The following RABGAP1L variants were observed in gnomAD, a reference collection of about 807,000 sequenced individuals.
RABGAP1L encodes rab GTPase-activating protein 1-like.
A neutral mutation model predicts 137.7 loss-of-function variants in RABGAP1L; 63 were observed. The observed-to-expected ratio is 0.46, with a 90% confidence interval of 0.37 to 0.56. The LOEUF (loss-of-function observed/expected upper bound fraction) is 0.56. RABGAP1L is among the 20% of genes least tolerant of loss of function. RABGAP1L has a pLI of 0.00. For missense variants in RABGAP1L, 1,095 were observed against 1,244.0 expected (o/e 0.88, Z 1.80); for synonymous variants, 431 against 433.7 (o/e 0.99, Z 0.08).
chr1:174,741,659 G>T (rs758779889), intron 17 of RABGAP1L, among the ~76,000 whole-genome samples: 3 of 151,902 alleles, frequency 2.0e-5, no homozygotes, highest in Non-Finnish European at 4.4e-5. Flanking sequence ...ACTGTACCCG[G>T]CCCCCAGTAT....
chr1:174,440,748 G>A (rs576436465), intron 13 of RABGAP1L, among the ~76,000 whole-genome samples: 62 of 152,058 alleles, frequency 4.1e-4, no homozygotes, highest in African/African-American at 1.2e-3. Flanking sequence ...GTAGAGGCAG[G>A]GCTTCACCAT....
chr1:174,411,379 G>T (rs1649911231), intron 13 of RABGAP1L, among the ~76,000 whole-genome samples: 1 of 151,938 alleles, frequency 6.6e-6, no homozygotes, highest in Non-Finnish European at 1.5e-5. Context: ...TGTCATGAAT[G>T]GTTCCTGTTA....
intron 13 of RABGAP1L, among the ~76,000 whole-genome samples, chr1:174,569,218 G>C (rs1167292459): frequency 6.6e-6 from 1 of 152,152 alleles, no homozygotes; most frequent in African/African-American, 2.4e-5. Flanking sequence ...CCTTTGTAGT[G>C]AAGTATGACT....
intron 10 of RABGAP1L, among the ~76,000 whole-genome samples, chr1:174,303,228 G>A (rs1177457425): frequency 6.6e-6 from 1 of 151,710 alleles, no homozygotes; most frequent in Non-Finnish European, 1.5e-5. Context: ...AACAGGTCTT[G>A]TAGGCAATGG....
chr1:174,616,136 A>C (rs1383465024), intron 13 of RABGAP1L, among the ~76,000 whole-genome samples: 1 of 152,190 alleles, frequency 6.6e-6, no homozygotes, highest in Non-Finnish European at 1.5e-5. Context: ...CTGGTACCTC[A>C]GATGGAAATG....
intron 18 of RABGAP1L, among the ~76,000 whole-genome samples, chr1:174,759,920 A>G (rs889957683): frequency 1.3e-5 from 2 of 152,196 alleles, no homozygotes; most frequent in African/African-American, 4.8e-5. Flanking sequence ...TACCTTCAAC[A>G]TTGGGGATTA....
chr1:174,272,629 T>G (rs540876793), intron 8 of RABGAP1L, 149 bp downstream of exon 8: 4 of 1,063,310 alleles, frequency 3.8e-6, no homozygotes, highest in Non-Finnish European at 4.9e-6. Context: ...AACGCAAACT[T>G]AAAATTACTT....
intron 11 of RABGAP1L, among the ~76,000 whole-genome samples, chr1:174,355,879 C>T (rs909146556): frequency 6.6e-6 from 1 of 152,152 alleles, no homozygotes; most frequent in Non-Finnish European, 1.5e-5. Context: ...AATCTTCTCT[C>T]TGTAATAAAT....
At chr1:174,650,244 T>A (rs1675354243) in intron 14 of RABGAP1L, among the ~76,000 whole-genome samples, 1 of 152,196 alleles carries the variant, frequency 6.6e-6, no homozygotes, top group Non-Finnish European at 1.5e-5. Context: ...GCCAGTATTT[T>A]ATTCAGGATT....
At chr1:174,523,855 G>A (rs1490280272) in intron 13 of RABGAP1L, among the ~76,000 whole-genome samples, 1 of 152,194 alleles carries the variant, frequency 6.6e-6, no homozygotes, top group South Asian at 2.1e-4. Context: ...ATCAAGTTTT[G>A]TAGCTTTCAC....
chr1:174,221,360 A>T (rs1420190577), intron 3 of RABGAP1L, among the ~76,000 whole-genome samples, 196 bp downstream of exon 3: 4 of 152,178 alleles, frequency 2.6e-5, no homozygotes, highest in Non-Finnish European at 4.4e-5. Flanking sequence ...GGGAACAAAG[A>T]CTATGTCTGG....
At chr1:174,946,917 A>AATATAT (rs1229002557) in intron 19 of RABGAP1L, among the ~76,000 whole-genome samples, 3 of 59,824 alleles carry the variant, frequency 5.0e-5, no homozygotes, top group African/African-American at 2.7e-4. Flanking sequence ...AAAAAAAAAA[A>AATATAT]ATATATATAT....
At chr1:174,309,777 G>T (rs1029595357) in intron 11 of RABGAP1L, among the ~76,000 whole-genome samples, 9 of 151,862 alleles carry the variant, frequency 5.9e-5, no homozygotes, top group African/African-American at 2.2e-4. Context: ...GAGGTTTTTT[G>T]CATCTGTGTT....
chr1:174,710,180 C>T (rs138327422), intron 17 of RABGAP1L, among the ~76,000 whole-genome samples: 3 of 152,282 alleles, frequency 2.0e-5, no homozygotes, highest in East Asian at 1.9e-4. Context: ...ACCAAACCTA[C>T]GTTTGACTGG....
intron 10 of RABGAP1L, among the ~76,000 whole-genome samples, chr1:174,302,254 A>ATAC (rs1244220729): frequency 6.6e-6 from 1 of 152,202 alleles, no homozygotes; most frequent in Admixed American, 6.5e-5. Flanking sequence ...ATATTGTACT[A>ATAC]TAGGTTAGAC....
intron 14 of RABGAP1L, among the ~76,000 whole-genome samples, chr1:174,660,204 T>C (rs1676272728): frequency 6.6e-6 from 1 of 152,054 alleles, no homozygotes. Context: ...AGCAGTGGGG[T>C]AAGCCAGGCG....
chr1:174,263,627 T>C (rs904718470), intron 7 of RABGAP1L, among the ~76,000 whole-genome samples: 30 of 152,220 alleles, frequency 2.0e-4, no homozygotes, highest in African/African-American at 7.0e-4. Context: ...CTATTATTTC[T>C]ACCGTATGTT....
chr1:174,424,627 C>T (rs1460755874), intron 13 of RABGAP1L, among the ~76,000 whole-genome samples: 2 of 152,044 alleles, frequency 1.3e-5, no homozygotes, highest in East Asian at 1.9e-4. Context: ...TAATTTTAAC[C>T]ACATGCAATG....
chr1:174,601,670 A>G (rs1670424507), intron 13 of RABGAP1L, among the ~76,000 whole-genome samples: 1 of 152,132 alleles, frequency 6.6e-6, no homozygotes, highest in African/African-American at 2.4e-5. Context: ...AATAAATAAG[A>G]AAAATGGGTT....
Sources: allele counts gnomAD v4.1 joint callset (sites outside exome capture counted in the v4.1 genomes callset), GRCh38; gene constraint gnomAD v4.1.1; transcripts MANE v1.5; gene names NCBI Gene and HGNC (gene_info 2026-07-23, HGNC 2026-07-21).